TMEM132C: variants seen among roughly 807,000 people sequenced by gnomAD.
The protein encoded by TMEM132C is transmembrane protein 132C, also known as protein phosphatase 1, regulatory subunit 152.
TMEM132C carries 29 observed loss-of-function variants against 61.4 expected under a neutral mutation model. The ratio of observed to expected loss-of-function variants is 0.47; its 90% CI spans 0.35 to 0.64. The LOEUF is 0.64. Among genes scored for constraint, TMEM132C ranks in the 30% least tolerant of loss-of-function variants. TMEM132C has a pLI of 0.00. For missense variants in TMEM132C, 1,408 were observed against 1,476.9 expected, an observed-to-expected ratio of 0.95 and a Z score of 0.76; for synonymous variants, 656 against 633.1, an observed-to-expected ratio of 1.04 and a Z score of -0.54.
chr12:128,568,498 AT>A (rs1874773190), intron 3 of TMEM132C, among the ~76,000 whole-genome samples: 1 of 152,202 alleles, frequency 6.6e-6, no homozygotes, highest in African/African-American at 2.4e-5. Flanking sequence ...ACTGGGCATT[AT>A]TCTAAGCACT....
chr12:128,312,722 A>T (rs1354358062), intron 1 of TMEM132C, among the ~76,000 whole-genome samples: 1 of 152,190 alleles, frequency 6.6e-6, no homozygotes, highest in Non-Finnish European at 1.5e-5. Context: ...CAACCCTGCC[A>T]ACACCTTGAT....
intron 2 of TMEM132C, among the ~76,000 whole-genome samples, chr12:128,439,738 G>C (rs1247369307): frequency 6.6e-6 from 1 of 152,098 alleles, no homozygotes; most frequent in East Asian, 1.9e-4. Flanking sequence ...CTCTGTAGCT[G>C]ACTGTAGTGG....
Position 128,312,835 on chromosome 12 carries a change from G to C in TMEM132C, c.85+45348G>C, listed in dbSNP as rs892354337. On this transcript the variant is annotated intron_variant, in intron 1 of 8. Transcript: ENST00000435159. ...GGAAAGTAATGCACCTTCATTCACA[G>C]GCTGATGCACACTCAGTGAAATCAA... Among the ~76,000 whole-genome samples, 4 of 152,186 alleles carry C rather than the reference G, an allele frequency of 2.6e-5. No individual in the cohort carries two copies. In the East Asian group the frequency reaches 7.7e-4, roughly 29 times the overall value.
chr12:128,360,228 TTAGA>T (rs1208340641), intron 1 of TMEM132C, among the ~76,000 whole-genome samples: 2 of 142,820 alleles, frequency 1.4e-5, no homozygotes, highest in African/African-American at 5.2e-5. Context: ...AGTAACAATG[TTAGA>T]TTGATAAAGG....
chr12:128,652,093 C>T (rs1484810524), intron 4 of TMEM132C, among the ~76,000 whole-genome samples: 1 of 152,194 alleles, frequency 6.6e-6, no homozygotes, highest in African/African-American at 2.4e-5. Flanking sequence ...GATGACTCTC[C>T]TTTGTGTTCT....
At position 128,334,227 on chromosome 12, in the gene TMEM132C, A is replaced by G. The variant is rs375814829; in HGVS notation, c.85+66740A>G. On this transcript the variant is annotated intron_variant, in intron 1 of 8. Coordinates refer to ENST00000435159, the MANE Select transcript of TMEM132C (RefSeq NM_001136103.3). Reference sequence around the variant, plus strand: ...ATGACCTGGAAAGGTGGCAGCAGTTACATAAGTACTAAAATATTGAAATAC... The same window carrying G: ...ATGACCTGGAAAGGTGGCAGCAGTTGCATAAGTACTAAAATATTGAAATAC... Among the ~76,000 whole-genome samples the G allele has an allele frequency of 2.3e-3, 357 of 152,346 alleles. 3 individuals carry two copies. The highest frequency in any genetic ancestry group is 0.01 in the Middle Eastern group (3 of 294).
chr12:128,474,116 A>G (rs1461141868), intron 2 of TMEM132C, among the ~76,000 whole-genome samples: 1 of 152,210 alleles, frequency 6.6e-6, no homozygotes, highest in East Asian at 1.9e-4. Context: ...AAACATCCAC[A>G]TCTTCTGAAG....
chr12:128,593,872 G>A (rs7133550), intron 3 of TMEM132C, among the ~76,000 whole-genome samples: 147,506 of 152,184 alleles, frequency 0.97, 71,599 homozygotes, highest in East Asian at 1. Flanking sequence ...CTCTCATCTC[G>A]TCACAGCCTA....
At chr12:128,420,961 T>C (rs1474856882) in intron 2 of TMEM132C, among the ~76,000 whole-genome samples, 2 of 152,222 alleles carry the variant, frequency 1.3e-5, no homozygotes, top group African/African-American at 2.4e-5. Flanking sequence ...AACAGTGAAG[T>C]TGGCATGAGT....
intron 2 of TMEM132C, among the ~76,000 whole-genome samples, chr12:128,423,627 C>T (rs1466638307): frequency 6.6e-6 from 1 of 151,978 alleles, no homozygotes; most frequent in Non-Finnish European, 1.5e-5. Context: ...CCCAGCTACT[C>T]TGGAGGCTAA....
chr12:128,393,698 TG>T (rs56080499), intron 1 of TMEM132C, among the ~76,000 whole-genome samples: 10,754 of 152,272 alleles, frequency 0.071, 460 homozygotes, highest in Middle Eastern at 0.13. Flanking sequence ...ACCCAGTTCC[TG>T]CTGTTATTCC....
intron 1 of TMEM132C, among the ~76,000 whole-genome samples, chr12:128,389,214 A>G (rs1874687690): frequency 1.3e-5 from 2 of 152,202 alleles, no homozygotes. Flanking sequence ...TGATCTGGGC[A>G]CTGGGGACAA....
intron 1 of TMEM132C, among the ~76,000 whole-genome samples, chr12:128,408,487 C>T (rs979974034): frequency 6.6e-6 from 1 of 152,262 alleles, no homozygotes; most frequent in South Asian, 2.1e-4. Flanking sequence ...TAAGTCCCTA[C>T]ACTTCAAGAT....
At chr12:128,544,208 G>A in intron 3 of TMEM132C, 105 bp downstream of exon 3, 3 of 1,392,582 alleles carry the variant, frequency 2.2e-6, no homozygotes, top group Non-Finnish European at 2.8e-6. Context: ...GCTGCTCAGA[G>A]GAGCTATTGA....
intron 2 of TMEM132C, among the ~76,000 whole-genome samples, chr12:128,468,076 C>G (rs760380979): frequency 6.6e-6 from 1 of 152,166 alleles, no homozygotes; most frequent in Non-Finnish European, 1.5e-5. Flanking sequence ...GGTGATGACG[C>G]AATGTCTGAC....
At chr12:128,283,600 T>TACTG (rs2060136145) in intron 1 of TMEM132C, among the ~76,000 whole-genome samples, 1 of 152,166 alleles carries the variant, frequency 6.6e-6, no homozygotes, top group African/African-American at 2.4e-5. Context: ...GTTCTCTGTC[T>TACTG]ACTGTTCTGT....
rs529080698 is a variant in TMEM132C, at chr12:128,576,252, A to T, written c.1121+32149A>T. ...CTGGGTACAGAGCGAGACTCTGAAAAAGATTAGAAGGGGAGGGGAGGGGAG... is the reference window on the plus strand; with the variant it reads ...CTGGGTACAGAGCGAGACTCTGAAATAGATTAGAAGGGGAGGGGAGGGGAG... On this transcript the variant is annotated intron_variant, in intron 3 of 8. Transcript: ENST00000435159. Among the ~76,000 whole-genome samples the T allele has an allele frequency of 2.8e-4, 42 of 151,518 alleles. No homozygotes were observed. In the South Asian group the frequency reaches 8.6e-3, roughly 31 times the overall value.
In TMEM132C at chr12:128,398,488, C is replaced by T. The variant is rs79292058; in HGVS notation, c.86-16244C>T. ...ATGTGTGAGACATGTCTCCCTCAGA[C>T]CTTGTTATGATGTTGGCACGTTGCC... is the stretch of plus-strand genomic sequence containing the variant. On this transcript the variant is annotated intron_variant, in intron 1 of 8. Transcript: ENST00000435159. Among the ~76,000 whole-genome samples, 671 of 152,284 alleles carry T rather than the reference C, an allele frequency of 4.4e-3. 5 individuals are homozygous for T. Among genetic ancestry groups the T allele is most frequent in the African/African-American group, 0.015 (610 of 41,554 alleles).
chr12:128,287,837 T>C (rs1351314642), intron 1 of TMEM132C, among the ~76,000 whole-genome samples: 2 of 152,206 alleles, frequency 1.3e-5, no homozygotes, highest in Non-Finnish European at 1.5e-5. Flanking sequence ...TCAGCCTTTT[T>C]TTGTCTTCAT....
Sources: allele counts gnomAD v4.1 joint callset (sites outside exome capture counted in the v4.1 genomes callset), GRCh38; gene constraint gnomAD v4.1.1; transcripts MANE v1.5; gene names NCBI Gene and HGNC (gene_info 2026-07-23, HGNC 2026-07-21).